Variants in KAZN observed in about 807,000 individuals in gnomAD.
KAZN encodes the protein kazrin.
Under a neutral mutation model 87.4 loss-of-function variants are expected in KAZN, and 40 were observed. The ratio of observed to expected loss-of-function variants is 0.46; its 90% CI spans 0.36 to 0.60. The LOEUF (loss-of-function observed/expected upper bound fraction) is 0.60, where lower values mean the gene tolerates loss of function less well. Ranked by LOEUF, KAZN falls within the 20% of genes least tolerant of loss-of-function variation. The pLI, the probability that KAZN is intolerant of heterozygous loss-of-function variation, is 0.00. For missense variants in KAZN, 898 were observed against 1,073.9 expected (o/e 0.84, Z 2.29); for synonymous variants, 466 against 458.3 (o/e 1.02, Z -0.22).
chr1:14,126,353 T>TCCAC (rs1409719808), intron 1 of KAZN, among the ~76,000 whole-genome samples: 3 of 34,154 alleles, frequency 8.8e-5, no homozygotes, highest in African/African-American at 1.5e-4. Context: ...AGCTCTCCCC[T>TCCAC]CCCCCCCCCC....
intron 2 of KAZN, among the ~76,000 whole-genome samples, chr1:14,318,234 AAC>A (rs1425787829): frequency 2.0e-5 from 3 of 152,160 alleles, no homozygotes; most frequent in African/African-American, 7.2e-5. Context: ...CATCTCTTGT[AAC>A]ACAAGCCTTT....
At chr1:14,633,213 G>T (rs374318837) in intron 1 of KAZN, among the ~76,000 whole-genome samples, 2 of 152,066 alleles carry the variant, frequency 1.3e-5, no homozygotes, top group Non-Finnish European at 2.9e-5. Flanking sequence ...CACCGCACCC[G>T]GCCAAAATGC....
chr1:14,793,870 C>G (rs1645753223), intron 1 of KAZN, among the ~76,000 whole-genome samples: 1 of 152,212 alleles, frequency 6.6e-6, no homozygotes, highest in African/African-American at 2.4e-5. Context: ...GGTGGCTCCT[C>G]CTCTGGCAAA....
intron 2 of KAZN, among the ~76,000 whole-genome samples, chr1:14,242,493 T>C (rs970214758): frequency 1.3e-5 from 2 of 152,154 alleles, no homozygotes; most frequent in African/African-American, 4.8e-5. Context: ...GAACAACAAA[T>C]ATATATGGAA....
intron 1 of KAZN, among the ~76,000 whole-genome samples, chr1:14,733,925 C>G (rs1322768593): frequency 6.6e-6 from 1 of 152,220 alleles, no homozygotes; most frequent in African/African-American, 2.4e-5. Flanking sequence ...GTCCAGACTG[C>G]TGTCGGTTCC....
intron 1 of KAZN, among the ~76,000 whole-genome samples, chr1:14,843,969 A>G (rs1648354741): frequency 6.6e-6 from 1 of 152,226 alleles, no homozygotes; most frequent in African/African-American, 2.4e-5. Flanking sequence ...CCTGCAGAGG[A>G]CAGCGTGGTT....
intron 1 of KAZN, among the ~76,000 whole-genome samples, chr1:14,122,339 C>T (rs1430206761): frequency 6.6e-6 from 1 of 152,220 alleles, no homozygotes; most frequent in East Asian, 1.9e-4. Context: ...TTGAACTTCA[C>T]TCCTGTGGCC....
At chr1:14,632,921 TTTA>T (rs752230514) in intron 1 of KAZN, among the ~76,000 whole-genome samples, 7 of 55,704 alleles carry the variant, frequency 1.3e-4, no homozygotes, top group Non-Finnish European at 2.7e-4. Context: ...ATGCACTTTA[TTTA>T]TTTTTTTTTT....
intron 1 of KAZN, among the ~76,000 whole-genome samples, chr1:14,644,002 CTTTTTTTTTTT>C (rs34535562): frequency 1.7e-5 from 1 of 60,344 alleles, no homozygotes; most frequent in Non-Finnish European, 3.0e-5. Context: ...CCTTTGCCCA[CTTTTTTTTTTT>C]TTTTTTTTTT....
At chr1:15,031,356 G>C (rs965433470) in intron 2 of KAZN, among the ~76,000 whole-genome samples, 1 of 152,196 alleles carries the variant, frequency 6.6e-6, no homozygotes, top group Non-Finnish European at 1.5e-5. Context: ...TGTGGAGAGG[G>C]GTTAGCCTCA....
intron 1 of KAZN, among the ~76,000 whole-genome samples, chr1:14,698,820 T>TGAA (rs1476167562): frequency 6.6e-6 from 1 of 152,232 alleles, no homozygotes; most frequent in Non-Finnish European, 1.5e-5. Context: ...TCCAAACACC[T>TGAA]GAAGTTGGCA....
intron 2 of KAZN, among the ~76,000 whole-genome samples, chr1:14,246,123 T>C (rs1649478144): frequency 6.6e-6 from 1 of 152,048 alleles, no homozygotes; most frequent in Non-Finnish European, 1.5e-5. Flanking sequence ...AGCTGAACAA[T>C]GAGAACATAT....
intron 1 of KAZN, among the ~76,000 whole-genome samples, chr1:14,778,403 A>C (rs1572458909): frequency 6.6e-6 from 1 of 151,990 alleles, no homozygotes; most frequent in East Asian, 1.9e-4. Context: ...GAAAAAAAAA[A>C]AAAAAAAAAA....
intron 2 of KAZN, among the ~76,000 whole-genome samples, chr1:14,181,259 C>T (rs916722238): frequency 6.6e-6 from 1 of 152,204 alleles, no homozygotes; most frequent in African/African-American, 2.4e-5. Context: ...ATCTAATTGT[C>T]ATTCCTACCT....
intron 2 of KAZN, among the ~76,000 whole-genome samples, chr1:14,448,915 C>G (rs1344962512): frequency 6.6e-6 from 1 of 152,146 alleles, no homozygotes; most frequent in Admixed American, 6.5e-5. Context: ...CTGGAGGAAG[C>G]TAGAATGCAT....
chr1:13,918,697 A>G (rs1639949542), intron 1 of KAZN, among the ~76,000 whole-genome samples: 1 of 152,264 alleles, frequency 6.6e-6, no homozygotes, highest in Admixed American at 6.5e-5. Flanking sequence ...TCTTGTTTTA[A>G]GAAATGGCCA....
At chr1:14,648,054 CCTTAGGAACTTTTT>C (rs1446998093) in intron 1 of KAZN, among the ~76,000 whole-genome samples, 2 of 152,184 alleles carry the variant, frequency 1.3e-5, no homozygotes, top group African/African-American at 2.4e-5. Context: ...AGGAACTTTT[CCTTAGGAACTTTTT>C]CAGTTTAACT....
At chr1:14,375,682 CGA>C (rs1288115212) in intron 2 of KAZN, among the ~76,000 whole-genome samples, 3 of 152,036 alleles carry the variant, frequency 2.0e-5, no homozygotes, top group South Asian at 2.1e-4. Context: ...GTCAGGAGAT[CGA>C]GACCATCCTG....
chr1:14,516,281 G>A (rs1320514983), intron 2 of KAZN, among the ~76,000 whole-genome samples: 2 of 152,146 alleles, frequency 1.3e-5, no homozygotes, highest in Non-Finnish European at 2.9e-5. Context: ...TCTCTGTGTT[G>A]GCTTTACTCT....
Sources: allele counts gnomAD v4.1 joint callset (sites outside exome capture counted in the v4.1 genomes callset), GRCh38; gene constraint gnomAD v4.1.1; transcripts MANE v1.5; gene names NCBI Gene and HGNC (gene_info 2026-07-23, HGNC 2026-07-21).